SAMD5: variants seen among roughly 807,000 people sequenced by gnomAD.
The protein encoded by SAMD5 is sterile alpha motif domain-containing protein 5.
Under a neutral mutation model 11.3 loss-of-function variants are expected in SAMD5, and 13 were observed. The ratio of observed to expected loss-of-function variants is 1.15; its 90% CI spans 0.75 to 1.83. The LOEUF is 1.83. Among genes scored for constraint, SAMD5 ranks in the 40% most tolerant of loss-of-function variants. The pLI is 0.00. For synonymous variants in SAMD5, 129 were observed against 111.3 expected (o/e 1.16, Z -1.00); for missense variants, 255 against 239.1 (o/e 1.07, Z -0.44).
At chr6:147,669,583 A>G (rs1368720870) in intron 1 of SAMD5, among the ~76,000 whole-genome samples, 2 of 151,976 alleles carry the variant, frequency 1.3e-5, no homozygotes, top group East Asian at 3.9e-4. Context: ...GTGCACCACC[A>G]CACCCAGCAG....
chr6:147,792,833 A>G, the SAMD5 span, among the ~76,000 whole-genome samples: 3 of 152,222 alleles, frequency 2.0e-5, no homozygotes, highest in South Asian at 6.2e-4. Flanking sequence ...CCAATGGCTG[A>G]CACTGGAACA....
chr6:147,564,437 A>T lies in SAMD5; in HGVS notation c.503A>T (p.Lys168Met), dbSNP rs750082151. 1.3e-6 allele frequency: 1 copy of T among 781,580 alleles called. No individual in the cohort carries two copies. The highest frequency in any genetic ancestry group is 1.3e-5 in the South Asian group (1 of 74,618). 48.4% of individuals were successfully genotyped at this position (781,580 alleles called of 1,614,324 possible). ...GILEYLMNWP[K>M]SSQSR The stretch of plus-strand genomic sequence containing the variant: ...CTAGAGTACTTAATGAATTGGCCGA[A>T]GTCATCACAGAGCCGCTAGATATCA... Residue 168 changes from lysine (K) to methionine (M), a missense_variant, in exon 2 of 2, where the codon AAG (lysine) becomes ATG (methionine). Lys to Met is a moderately conservative substitution (Grantham distance 95). Transcript: ENST00000367474.
chr6:147,727,384 T>C (rs548213011), intron 1 of SAMD5, among the ~76,000 whole-genome samples: 1 of 152,320 alleles, frequency 6.6e-6, no homozygotes, highest in Non-Finnish European at 1.5e-5. Flanking sequence ...GCCTGTATAA[T>C]GTTTTGAATG....
chr6:147,533,861 C>T (rs1788467684), intron 1 of SAMD5, among the ~76,000 whole-genome samples: 1 of 152,168 alleles, frequency 6.6e-6, no homozygotes, highest in Non-Finnish European at 1.5e-5. Flanking sequence ...ATGATGCCTA[C>T]CCACATTATG....
the SAMD5 span, among the ~76,000 whole-genome samples, chr6:147,770,198 G>C: frequency 6.6e-6 from 1 of 152,134 alleles, no homozygotes; most frequent in African/African-American, 2.4e-5. Context: ...TGGATTAGCT[G>C]CCTTTTGAGG....
At chr6:147,550,832 A>G (rs1189896848) in intron 1 of SAMD5, among the ~76,000 whole-genome samples, 1 of 152,162 alleles carries the variant, frequency 6.6e-6, no homozygotes, top group East Asian at 1.9e-4. Flanking sequence ...CCGTTAGACT[A>G]AAAATGCCCA....
chr6:147,904,692 T>G, the SAMD5 span, among the ~76,000 whole-genome samples: 7 of 152,150 alleles, frequency 4.6e-5, no homozygotes, highest in Non-Finnish European at 8.8e-5. Flanking sequence ...CAAGCTAAGC[T>G]AAGGAGCCTG....
chr6:147,753,158 A>G, the SAMD5 span, among the ~76,000 whole-genome samples: 3 of 152,284 alleles, frequency 2.0e-5, no homozygotes, highest in African/African-American at 7.2e-5. Flanking sequence ...CGACATTCAG[A>G]AAGCCAATGC....
chr6:147,809,645 C>T, the SAMD5 span, among the ~76,000 whole-genome samples: 1 of 152,120 alleles, frequency 6.6e-6, no homozygotes, highest in African/African-American at 2.4e-5. Flanking sequence ...TTCTTTCTTC[C>T]ATTGGCCAAT....
At chr6:147,733,365 T>C (rs1791745116) in intron 1 of SAMD5, among the ~76,000 whole-genome samples, 1 of 152,350 alleles carries the variant, frequency 6.6e-6, no homozygotes, top group Middle Eastern at 3.4e-3. Flanking sequence ...TTTTGGTTCT[T>C]TTACCTTTTT....
At chr6:147,939,584 C>T in the SAMD5 span, among the ~76,000 whole-genome samples, 7 of 152,256 alleles carry the variant, frequency 4.6e-5, no homozygotes, top group Non-Finnish European at 7.4e-5. Flanking sequence ...TCACACCTGC[C>T]GTGGAGATGC....
chr6:147,880,895 C>T, the SAMD5 span, among the ~76,000 whole-genome samples: 16 of 152,078 alleles, frequency 1.1e-4, no homozygotes, highest in African/African-American at 3.9e-4. Context: ...TAGAATTACC[C>T]TTAACTTGAT....
intron 1 of SAMD5, among the ~76,000 whole-genome samples, chr6:147,618,874 T>C (rs1422233276): frequency 1.3e-5 from 2 of 152,254 alleles, no homozygotes; most frequent in African/African-American, 4.8e-5. Flanking sequence ...CCTGAATCAA[T>C]GTTTTGTCAA....
the SAMD5 span, among the ~76,000 whole-genome samples, chr6:147,882,476 C>T: frequency 1.2e-3 from 178 of 152,178 alleles, no homozygotes; most frequent in Admixed American, 2.6e-3. Flanking sequence ...ACTACTTAGG[C>T]GGCTGAGGCA....
chr6:147,899,170 CA>C, the SAMD5 span, among the ~76,000 whole-genome samples: 1,588 of 62,610 alleles, frequency 0.025, 30 homozygotes, highest in African/African-American at 0.1. Context: ...GACTCTGTCT[CA>C]AAAAAAAAAA....
chr6:147,909,610 T>TCTTTCTTTCTTTC, the SAMD5 span, among the ~76,000 whole-genome samples: 1 of 59,710 alleles, frequency 1.7e-5, no homozygotes, highest in African/African-American at 6.0e-5. Context: ...CTTTCTTTCT[T>TCTTTCTTTCTTTC]TCTTTCTTTC....
intron 1 of SAMD5, among the ~76,000 whole-genome samples, chr6:147,637,062 G>A (rs917676515): frequency 2.6e-5 from 4 of 152,184 alleles, no homozygotes; most frequent in East Asian, 1.9e-4. Flanking sequence ...GCAGGCTGAG[G>A]TCTGGGTGCT....
the SAMD5 span, among the ~76,000 whole-genome samples, chr6:147,910,443 C>A: frequency 6.6e-6 from 1 of 152,178 alleles, no homozygotes; most frequent in Admixed American, 6.5e-5. Flanking sequence ...CCGGGCGCAG[C>A]GGTGCCCTCT....
chr6:147,520,566 T>C (rs1788238179), intron 1 of SAMD5, among the ~76,000 whole-genome samples: 1 of 152,202 alleles, frequency 6.6e-6, no homozygotes, highest in Non-Finnish European at 1.5e-5. Context: ...AAATCGTCTA[T>C]ATTACAATTT....
Sources: gnomAD v4.1 joint callset for allele counts (sites outside exome capture counted in the v4.1 genomes callset) on GRCh38, gnomAD v4.1.1 for gene constraint, MANE v1.5 for transcripts, NCBI Gene and HGNC (gene_info 2026-07-23, HGNC 2026-07-21) for gene names.